Variants in TENT4B observed in about 807,000 individuals in gnomAD.
The protein encoded by TENT4B is PAP associated domain containing 5.
TENT4B carries 10 observed loss-of-function variants against 75.0 expected under a neutral mutation model. The observed-to-expected ratio is 0.13, with a 90% confidence interval of 0.08 to 0.23. The LOEUF is 0.23. Ranked by LOEUF, TENT4B falls within the 10% of genes least tolerant of loss-of-function variation. TENT4B has a pLI of 1.00. For synonymous variants in TENT4B, 350 were observed against 357.7 expected (o/e 0.98, Z 0.24); for missense variants, 579 against 893.8 (o/e 0.65, Z 4.49).
rs1205670251 is a variant in TENT4B, at chr16:50,231,163, T to G, written c.*1835T>G. 1.0e-6 allele frequency: 1 copy of G among 985,560 alleles called. No homozygotes were observed. The highest frequency in any genetic ancestry group is 1.7e-5 in the African/African-American group (1 of 57,360). 61.1% of individuals were successfully genotyped at this position (985,560 alleles called of 1,614,324 possible). On this transcript the variant is annotated 3_prime_UTR_variant, in exon 12 of 12. Coordinates refer to ENST00000561678, the MANE Select transcript of TENT4B (RefSeq NM_001365324.3). ...AAACTCATAGTACTCGTGTAAACTG[T>G]GGAAGATTTCAAATGTGATGTTATT...
Position 50,230,365 on chromosome 16 carries a change from C to G in TENT4B, c.*1037C>G. Reference sequence around the variant, plus strand: ...TCCTGTTGCAGTGAAACTTCGAGTTCCACAGACTTTGCATGCTGGCTTCTC... The same window carrying G: ...TCCTGTTGCAGTGAAACTTCGAGTTGCACAGACTTTGCATGCTGGCTTCTC... On this transcript the variant is annotated 3_prime_UTR_variant, in exon 12 of 12. Transcript: ENST00000561678. 5 of 983,338 alleles carry G rather than the reference C, an allele frequency of 5.1e-6. No individual in the cohort carries two copies. Among genetic ancestry groups the G allele is most frequent in the Non-Finnish European group, 4.8e-6 (4 of 829,534 alleles). The allele number at this position is 983,338 out of a possible 1,614,324, so 60.9% of individuals were successfully genotyped here.
chr16:50,205,302 T>G (rs1385643843), intron 1 of TENT4B, among the ~76,000 whole-genome samples: 1 of 152,076 alleles, frequency 6.6e-6, no homozygotes, highest in African/African-American at 2.4e-5. Context: ...TCTCCTGGAC[T>G]ATAATCTCAT....
intron 1 of TENT4B, among the ~76,000 whole-genome samples, chr16:50,162,413 C>G (rs2038018754): frequency 6.6e-6 from 1 of 152,158 alleles, no homozygotes; most frequent in Non-Finnish European, 1.5e-5. Context: ...ACTATATCCT[C>G]TTATATTCCT....
At chr16:50,194,404 G>A (rs1238058161) in intron 1 of TENT4B, among the ~76,000 whole-genome samples, 10 of 151,790 alleles carry the variant, frequency 6.6e-5, no homozygotes, top group South Asian at 4.2e-4. Context: ...TTGTAGAGAC[G>A]GGGTTTCATC....
Position 50,234,512 on chromosome 16 carries a change from C to T in TENT4B, c.*5184C>T. On this transcript the variant is annotated 3_prime_UTR_variant, in exon 12 of 12. Coordinates refer to ENST00000561678, the MANE Select transcript of TENT4B (RefSeq NM_001365324.3). ...GCTATTCATAGTTCTTCCCTAAGAC[C>T]ATTTCATTATTACCTTTTATATTTA... 1.0e-6 allele frequency: 1 copy of T among 983,776 alleles called. No homozygotes were observed. Among genetic ancestry groups the T allele is most frequent in the Non-Finnish European group, 1.2e-6 (1 of 828,480 alleles). 60.9% of individuals were successfully genotyped at this position (983,776 alleles called of 1,614,324 possible). A position where few individuals can be genotyped will look rare whatever the true frequency, so the allele number is the denominator to read the frequency against.
At chr16:50,206,621 C>T (rs1197616703) in intron 1 of TENT4B, among the ~76,000 whole-genome samples, 1 of 151,932 alleles carries the variant, frequency 6.6e-6, no homozygotes, top group Non-Finnish European at 1.5e-5. Context: ...CATGGATGAG[C>T]CGCAGGGGAC....
At chr16:50,187,129 T>G (rs1395546017) in intron 1 of TENT4B, among the ~76,000 whole-genome samples, 2 of 152,208 alleles carry the variant, frequency 1.3e-5, no homozygotes, top group Non-Finnish European at 2.9e-5. Flanking sequence ...TTTTTTATCT[T>G]GTTACCTGTA....
chr16:50,159,471 A>G (rs1421865033), intron 1 of TENT4B, among the ~76,000 whole-genome samples: 1 of 151,992 alleles, frequency 6.6e-6, no homozygotes, highest in Non-Finnish European at 1.5e-5. Flanking sequence ...AACTCCCAAC[A>G]TCAGGTGATC....
chr16:50,165,161 A>G (rs2038075238), intron 1 of TENT4B, among the ~76,000 whole-genome samples: 1 of 151,898 alleles, frequency 6.6e-6, no homozygotes, highest in South Asian at 2.1e-4. Context: ...TTGTATTCAT[A>G]GTACATATGT....
chr16:50,228,717 CAG>C (rs1219412329), intron 11 of TENT4B, among the ~76,000 whole-genome samples: 2 of 152,202 alleles, frequency 1.3e-5, no homozygotes, highest in Non-Finnish European at 2.9e-5. Context: ...GTTCAAGTGA[CAG>C]GGTTGACAGA....
At chr16:50,178,199 G>A (rs1597238753) in intron 1 of TENT4B, among the ~76,000 whole-genome samples, 1 of 132,480 alleles carries the variant, frequency 7.5e-6, no homozygotes, top group Non-Finnish European at 1.6e-5. Context: ...GCTTATGCCT[G>A]TACTCCAGCA....
intron 1 of TENT4B, among the ~76,000 whole-genome samples, chr16:50,184,369 A>C (rs1009957551): frequency 6.6e-6 from 1 of 152,086 alleles, no homozygotes; most frequent in Non-Finnish European, 1.5e-5. Flanking sequence ...TCCATTGACT[A>C]TTAAGAGTAA....
intron 1 of TENT4B, among the ~76,000 whole-genome samples, chr16:50,175,499 T>C (rs2038288960): frequency 6.6e-6 from 1 of 152,174 alleles, no homozygotes; most frequent in Admixed American, 6.6e-5. Flanking sequence ...ATTCTCTCTT[T>C]TTTTGAGATG....
intron 10 of TENT4B, among the ~76,000 whole-genome samples, chr16:50,226,149 G>A (rs1190056900): frequency 6.6e-6 from 1 of 151,002 alleles, no homozygotes; most frequent in East Asian, 2.0e-4. Flanking sequence ...ACAGGCATGT[G>A]CCACCACACC....
intron 2 of TENT4B, among the ~76,000 whole-genome samples, chr16:50,212,757 T>C (rs1458461258): frequency 2.6e-5 from 4 of 152,172 alleles, no homozygotes; most frequent in African/African-American, 9.7e-5. Context: ...ACATATTTGA[T>C]TGTCCTGACT....
Position 50,223,357 on chromosome 16 carries a change from A to G in TENT4B, c.1351A>G (p.Met451Val). Residue 451 changes from methionine (M) to valine (V), a missense_variant, in exon 7 of 12, where the codon ATG becomes GTG. Physicochemically the swap from Met to Val is conservative, Grantham distance 21. Around this residue, in one of 7 missense-constraint regions of TENT4B, gnomAD observed 71 missense variants for 210.6 expected, o/e 0.34. Transcript: ENST00000561678. ...TATGCTAGATGGCTACAGGCCATCA[A>G]TGCTTTATATCGAAGATCCTTTACA... ...KNMLDGYRPSMLYIEDPLQPG... is the reference protein window; with the variant it reads ...KNMLDGYRPSVLYIEDPLQPG... 4.3e-6 allele frequency: 7 copies of G among 1,611,834 alleles called. No homozygotes were observed. The highest frequency in any genetic ancestry group is 5.9e-6 in the Non-Finnish European group (7 of 1,178,862).
intron 1 of TENT4B, among the ~76,000 whole-genome samples, chr16:50,186,811 A>G (rs1054508738): frequency 6.6e-6 from 1 of 151,972 alleles, no homozygotes; most frequent in Non-Finnish European, 1.5e-5. Flanking sequence ...ATCTTGCCTG[A>G]CCTCAAGTGG....
intron 2 of TENT4B, 48 bp downstream of exon 2, chr16:50,211,494 G>C (rs751760466): frequency 6.7e-7 from 1 of 1,491,324 alleles, no homozygotes; most frequent in Non-Finnish European, 8.9e-7. Flanking sequence ...CCTTGTCCAC[G>C]GGCTAGAAGC....
intron 1 of TENT4B, among the ~76,000 whole-genome samples, chr16:50,205,297 T>C (rs2030885618): frequency 6.6e-6 from 1 of 152,114 alleles, no homozygotes; most frequent in Non-Finnish European, 1.5e-5. Flanking sequence ...ACAAATCTCC[T>C]GGACTATAAT....
Sources: allele counts gnomAD v4.1 joint callset (sites outside exome capture counted in the v4.1 genomes callset), GRCh38; gene constraint gnomAD v4.1.1; regional missense constraint gnomAD v4.1.1; transcripts MANE v1.5; gene names NCBI Gene and HGNC (gene_info 2026-07-23, HGNC 2026-07-21).